The following HIVEP3 variants were observed in gnomAD, a reference collection of about 807,000 sequenced individuals.
The protein encoded by HIVEP3 is transcription factor HIVEP3.
HIVEP3 carries 49 observed loss-of-function variants against 152.8 expected under a neutral mutation model. The observed-to-expected ratio is 0.32, with a 90% CI of 0.26 to 0.41. The LOEUF is 0.41. Among genes scored for constraint, HIVEP3 ranks in the 10% least tolerant of loss-of-function variants. The pLI is 1.00. For missense variants in HIVEP3, 2,790 were observed against 3,103.3 expected (o/e 0.90, Z 2.40); for synonymous variants, 1,269 against 1,289.0 (o/e 0.98, Z 0.33).
intron 1 of HIVEP3, among the ~76,000 whole-genome samples, chr1:41,855,302 T>C (rs903389251): frequency 2.0e-5 from 3 of 151,446 alleles, no homozygotes; most frequent in African/African-American, 7.3e-5. Flanking sequence ...TTCATGTGTT[T>C]TTTGGCTGCA....
chr1:41,523,724 C>T (rs1349131437), intron 6 of HIVEP3, among the ~76,000 whole-genome samples: 2 of 152,210 alleles, frequency 1.3e-5, no homozygotes, highest in African/African-American at 4.8e-5. Flanking sequence ...ACAGGTGGCA[C>T]AGCTGAAGGA....
chr1:41,810,692 A>T (rs916408137), intron 1 of HIVEP3, among the ~76,000 whole-genome samples: 2 of 152,222 alleles, frequency 1.3e-5, no homozygotes, highest in Non-Finnish European at 2.9e-5. Flanking sequence ...GGGCCCCTAA[A>T]AACAGTGTCA....
chr1:41,972,402 A>G (rs1278430343), intron 1 of HIVEP3, among the ~76,000 whole-genome samples: 1 of 152,198 alleles, frequency 6.6e-6, no homozygotes, highest in Non-Finnish European at 1.5e-5. Flanking sequence ...ATATTTATTG[A>G]TCTCCTGTTA....
chr1:41,550,581 G>T (rs567630984), intron 5 of HIVEP3, among the ~76,000 whole-genome samples: 22 of 152,146 alleles, frequency 1.4e-4, no homozygotes, highest in African/African-American at 5.1e-4. Flanking sequence ...TCCTTGAAGA[G>T]GTCCTTCACA....
chr1:41,809,759 C>T (rs577971629), intron 1 of HIVEP3, among the ~76,000 whole-genome samples: 9 of 152,052 alleles, frequency 5.9e-5, no homozygotes, highest in African/African-American at 1.4e-4. Flanking sequence ...GGCCTGTGCA[C>T]AAAAAGACAC....
chr1:41,833,582 C>G lies in HIVEP3; in HGVS notation c.-801+84831G>C, dbSNP rs562199343. Among the ~76,000 whole-genome samples the G allele has an allele frequency of 2.6e-4, 40 of 152,320 alleles. No homozygotes were observed. In the East Asian group the frequency reaches 7.3e-3, roughly 28 times the overall value. Reference sequence around the variant, plus strand: ...CAACTGACTCCAAAGTCTATGCCCTCTCCTCTGCCCCTCCAGGATTGTAAT... The same window carrying G: ...CAACTGACTCCAAAGTCTATGCCCTGTCCTCTGCCCCTCCAGGATTGTAAT... On this transcript the variant is annotated intron_variant, in intron 1 of 8. Transcript: ENST00000372583.
chr1:41,736,931 G>A (rs1489304614), intron 1 of HIVEP3, among the ~76,000 whole-genome samples: 4 of 152,118 alleles, frequency 2.6e-5, no homozygotes, highest in African/African-American at 9.7e-5. Flanking sequence ...GGGCACTATA[G>A]TCACTCCAGG....
chr1:41,984,643 G>A (rs1025200169), intron 1 of HIVEP3, among the ~76,000 whole-genome samples: 5 of 152,206 alleles, frequency 3.3e-5, no homozygotes, highest in African/African-American at 1.2e-4. Context: ...GAGGACACAT[G>A]GCAGAGAAGT....
chr1:42,005,679 T>C (rs1202288642), intron 1 of HIVEP3, among the ~76,000 whole-genome samples: 2 of 152,276 alleles, frequency 1.3e-5, no homozygotes, highest in African/African-American at 2.4e-5. Context: ...CAGGAAAGAG[T>C]AAGTTGCTGG....
At chr1:41,713,611 G>C (rs1283069827) in intron 1 of HIVEP3, among the ~76,000 whole-genome samples, 1 of 152,208 alleles carries the variant, frequency 6.6e-6, no homozygotes, top group East Asian at 1.9e-4. Context: ...GGAATCATAG[G>C]TGGAGACAAG....
At chr1:41,553,265 T>C (rs2149082748) in intron 5 of HIVEP3, among the ~76,000 whole-genome samples, 1 of 152,352 alleles carries the variant, frequency 6.6e-6, no homozygotes, top group East Asian at 1.9e-4. Flanking sequence ...GCCTTCTTTG[T>C]CTCTTTTGAT....
At chr1:41,760,818 A>C (rs1383626514) in intron 1 of HIVEP3, among the ~76,000 whole-genome samples, 1 of 152,122 alleles carries the variant, frequency 6.6e-6, no homozygotes, top group Non-Finnish European at 1.5e-5. Flanking sequence ...AGCAGTGACA[A>C]GGCCCAGCCA....
intron 1 of HIVEP3, among the ~76,000 whole-genome samples, chr1:41,957,583 C>T (rs545954567): frequency 2.0e-5 from 3 of 152,212 alleles, no homozygotes; most frequent in African/African-American, 4.8e-5. Flanking sequence ...GAAGAAAGAA[C>T]GAGGAAAGTT....
At position 41,579,911 on chromosome 1, in the gene HIVEP3, A is replaced by G; in HGVS notation, c.4887T>C (p.Gly1629=). ...HADRRSSVYA[G]WCISLYNPNL... is the part of the protein sequence containing the mutation. ...TGGGGTTGTACAAACTTATGCACCA[A>G]CCAGCGTAAACAGAGGACCTCCTAT... The change falls in exon 4 of 9, where the codon GGT becomes GGC. Residue 1629 remains glycine, a synonymous_variant. Coordinates refer to ENST00000372583, the MANE Select transcript of HIVEP3 (RefSeq NM_024503.5). The G allele has an allele frequency of 6.2e-7, 1 of 1,614,206 alleles. No individual in the cohort carries two copies. Among genetic ancestry groups the G allele is most frequent in the Admixed American group, 1.7e-5 (1 of 60,024 alleles).
intron 5 of HIVEP3, among the ~76,000 whole-genome samples, chr1:41,573,751 C>T (rs139283035): frequency 1.3e-5 from 2 of 152,126 alleles, no homozygotes; most frequent in Non-Finnish European, 1.5e-5. Context: ...GATAAAGAAA[C>T]TGAGGGCGGG....
intron 2 of HIVEP3, among the ~76,000 whole-genome samples, chr1:41,674,582 G>A (rs954300117): frequency 2.0e-5 from 3 of 152,180 alleles, no homozygotes; most frequent in African/African-American, 4.8e-5. Flanking sequence ...GGACCCCTCC[G>A]TAGAGTTTGC....
rs532839084 is a variant in HIVEP3, at chr1:41,701,701, A to C, written c.-800-706T>G. On this transcript the variant is annotated intron_variant, in intron 1 of 8. Coordinates refer to ENST00000372583, the MANE Select transcript of HIVEP3 (RefSeq NM_024503.5). ...TTATCTTCTCATTGAGAAAATAAAC[A>C]ATACAAAAGTTACAATGAACTAATG... 3.9e-5 allele frequency among the ~76,000 whole-genome samples: 6 copies of C among 152,386 alleles called. No individual in the cohort carries two copies. The South Asian group carries it at 1.0e-3, about 26-fold the overall frequency.
intron 1 of HIVEP3, among the ~76,000 whole-genome samples, chr1:41,901,471 C>T (rs1415814575): frequency 4.6e-5 from 7 of 151,896 alleles, no homozygotes; most frequent in Non-Finnish European, 7.4e-5. Flanking sequence ...TAGGGAGCTG[C>T]GATCCTCAAT....
At chr1:42,008,218 C>A (rs1200219688) in intron 1 of HIVEP3, among the ~76,000 whole-genome samples, 1 of 152,178 alleles carries the variant, frequency 6.6e-6, no homozygotes, top group South Asian at 2.1e-4. Flanking sequence ...GAAATCTGTG[C>A]CACTTGAAGA....
Sources: gnomAD v4.1 joint callset for allele counts (sites outside exome capture counted in the v4.1 genomes callset) on GRCh38, gnomAD v4.1.1 for gene constraint, MANE v1.5 for transcripts, NCBI Gene and HGNC (gene_info 2026-07-23, HGNC 2026-07-21) for gene names.